COL6A6: variants seen among roughly 807,000 people sequenced by gnomAD.
COL6A6 encodes the protein collagen alpha-6(VI) chain.
In COL6A6, 183 loss-of-function variants were observed where a neutral mutation model predicts 208.6. That is an observed-to-expected ratio of 0.88 (90% CI 0.78 to 0.99). COL6A6 has a LOEUF of 0.99. COL6A6 is among the 50% of genes least tolerant of loss of function. COL6A6 has a pLI of 0.00. For synonymous variants in COL6A6, 973 were observed against 1,011.8 expected (o/e 0.96, Z 0.73); for missense variants, 2,816 against 2,815.2 (o/e 1.00, Z -0.01).
Position 130,662,263 on chromosome 3 carries a change from A to G in COL6A6, c.6457A>G (p.Ser2153Gly). The G allele has an allele frequency of 1.9e-6, 3 of 1,613,978 alleles. No homozygotes were observed. The highest frequency in any genetic ancestry group is 1.1e-5 in the South Asian group (1 of 91,078). The change falls in exon 35 of 37, where the codon AGT becomes GGT. Residue 2153 changes from serine (S) to glycine (G), a missense_variant. Transcript: ENST00000358511. ...QLGRIHKPDH[S>G]YGVKFVKSFI... ...TGGCCGAATTCATAAACCTGACCAC[A>G]GTTATGGTGTGAAGTTTGTGAAGTC...
chr3:130,656,548 C>T (rs1332528702), intron 33 of COL6A6, among the ~76,000 whole-genome samples: 1 of 152,134 alleles, frequency 6.6e-6, no homozygotes, highest in Non-Finnish European at 1.5e-5. Flanking sequence ...TAATGGGAGG[C>T]CACTGACGGG....
Position 130,519,721 on chromosome 3 carries a change from G to C in COL6A6, c.-32+2324G>C, listed in dbSNP as rs574959556. 3.9e-5 allele frequency among the ~76,000 whole-genome samples: 6 copies of C among 152,074 alleles called. No individual in the cohort carries two copies. In the South Asian group the frequency reaches 1.2e-3, roughly 32 times the overall value. ...CTACCTACCTCACAGGGGTGTATGGGGAAAAAAACAAGATCTTCGTAAAAT... is the reference window on the plus strand; with the variant it reads ...CTACCTACCTCACAGGGGTGTATGGCGAAAAAAACAAGATCTTCGTAAAAT... On this transcript the variant is annotated intron_variant, in intron 1 of 36. Transcript: ENST00000358511.
At chr3:130,665,536 G>C (rs2066053930) in intron 36 of COL6A6, among the ~76,000 whole-genome samples, 1 of 152,156 alleles carries the variant, frequency 6.6e-6, no homozygotes. Context: ...TTTTCAAAAG[G>C]ACAAAGGAGT....
chr3:130,584,299 C>A (rs571711339), intron 10 of COL6A6, among the ~76,000 whole-genome samples: 8 of 152,262 alleles, frequency 5.3e-5, no homozygotes, highest in African/African-American at 1.7e-4. Context: ...TTTTACATTT[C>A]CTGGGTATTA....
At chr3:130,532,330 G>T (rs1273216727) in intron 1 of COL6A6, among the ~76,000 whole-genome samples, 1 of 152,066 alleles carries the variant, frequency 6.6e-6, no homozygotes, top group Non-Finnish European at 1.5e-5. Context: ...AATAGTTTCT[G>T]TACCCCCCCA....
chr3:130,581,597 C>T lies in COL6A6; in HGVS notation c.3584C>T (p.Ser1195Leu), dbSNP rs1003844734. Residue 1195 changes from serine to leucine, a missense_variant, in exon 9 of 37, where the codon TCA (serine) becomes TTA (leucine). Ser to Leu is a moderately radical substitution (Grantham distance 145). Coordinates refer to ENST00000358511, the MANE Select transcript of COL6A6 (RefSeq NM_001102608.3). ...GATGTTGTGGTGGGATTTGATGTCT[C>T]AACTCAGGAGAAAGGGCAGACTTTG... ...FVDVVVGFDV[S>L]TQEKGQTLLE... The T allele has an allele frequency of 7.4e-6, 12 of 1,612,776 alleles. No homozygotes were observed. The highest frequency in any genetic ancestry group is 1.3e-5 in the African/African-American group (1 of 74,914).
At position 130,592,551 on chromosome 3, in the gene COL6A6, G is replaced by T. The variant is rs2063744683; in HGVS notation, c.4283G>T (p.Gly1428Val). 1 of 1,603,764 alleles carries T rather than the reference G, an allele frequency of 6.2e-7. No homozygotes were observed. The highest frequency in any genetic ancestry group is 1.7e-5 in the Admixed American group (1 of 58,242). Reference protein sequence around the residue: ...LGEEGIAGERGAPGPVGEQGT... With the variant: ...LGEEGIAGERVAPGPVGEQGT... ...TGTGCCCTTTCTCAGGGAGAAAGAG[G>T]AGCCCCTGGACCAGTGGGAGAGCAA... Residue 1428 changes from glycine to valine, a missense_variant, in exon 14 of 37, where the codon GGA becomes GTA. Coordinates refer to ENST00000358511, the MANE Select transcript of COL6A6 (RefSeq NM_001102608.3).
In COL6A6 at chr3:130,566,818, A is replaced by G; in HGVS notation, c.1399A>G (p.Asn467Asp). ...TFLSEVVGMF[N>D]IAPHKVRVGA... ...CCTGTCAGAGGTGGTAGGGATGTTC[A>G]ACATTGCTCCCCATAAGGTGCGGGT... is the stretch of plus-strand genomic sequence containing the variant. The change falls in exon 5 of 37, where the codon AAC (asparagine) becomes GAC (aspartate). Residue 467 changes from asparagine to aspartate, a missense_variant. Transcript: ENST00000358511. The G allele has an allele frequency of 6.2e-7, 1 of 1,614,002 alleles. No homozygotes were observed.
intron 23 of COL6A6, among the ~76,000 whole-genome samples, chr3:130,611,333 C>T (rs546856377): frequency 1.3e-5 from 2 of 152,340 alleles, no homozygotes; most frequent in South Asian, 2.1e-4. Context: ...TGAGATTCTG[C>T]ACTTCTAGGG....
chr3:130,540,723 G>A (rs138710094), intron 1 of COL6A6, among the ~76,000 whole-genome samples: 7 of 152,048 alleles, frequency 4.6e-5, no homozygotes, highest in Admixed American at 4.6e-4. Flanking sequence ...TGTTCTCATC[G>A]TTCAGCTCCT....
chr3:130,534,693 G>A (rs561894955), intron 1 of COL6A6, among the ~76,000 whole-genome samples: 11 of 152,070 alleles, frequency 7.2e-5, no homozygotes, highest in African/African-American at 1.2e-4. Flanking sequence ...TTTTTATTGC[G>A]AATGTTTTAG....
Position 130,581,583 on chromosome 3 carries a change from G to C in COL6A6, c.3570G>C (p.Val1190=). Residue 1190 remains valine (V), a synonymous_variant, in exon 9 of 37, where the codon GTG becomes GTC. Transcript: ENST00000358511. ...TAGACTGTTTCGTGGATGTTGTGGTGGGATTTGATGTCTCAACTCAGGAGA... is the reference window on the plus strand; with the variant it reads ...TAGACTGTTTCGTGGATGTTGTGGTCGGATTTGATGTCTCAACTCAGGAGA... ...GESNCFVDVV[V]GFDVSTQEKG... is the part of the protein sequence containing the mutation. The C allele has an allele frequency of 1.2e-6, 2 of 1,609,150 alleles. No homozygotes were observed. Among genetic ancestry groups the C allele is most frequent in the Non-Finnish European group, 1.7e-6 (2 of 1,176,418 alleles).
At chr3:130,538,524 C>G (rs765570392) in intron 1 of COL6A6, among the ~76,000 whole-genome samples, 1 of 152,226 alleles carries the variant, frequency 6.6e-6, no homozygotes, top group Non-Finnish European at 1.5e-5. Context: ...CTCGTTTACA[C>G]ACATCAGTTC....
intron 4 of COL6A6, among the ~76,000 whole-genome samples, chr3:130,565,866 C>G (rs2063008024): frequency 6.6e-6 from 1 of 152,148 alleles, no homozygotes; most frequent in South Asian, 2.1e-4. Flanking sequence ...GTTACTCATC[C>G]ATGTTCCAGA....
At chr3:130,622,106 A>G (rs1268958129) in intron 24 of COL6A6, among the ~76,000 whole-genome samples, 2 of 151,698 alleles carry the variant, frequency 1.3e-5, no homozygotes, top group Non-Finnish European at 2.9e-5. Flanking sequence ...GGAGGGATAC[A>G]CCCTATTGGA....
At chr3:130,606,587 A>G (rs954943810) in intron 20 of COL6A6, among the ~76,000 whole-genome samples, 3 of 152,238 alleles carry the variant, frequency 2.0e-5, no homozygotes, top group Non-Finnish European at 4.4e-5. Flanking sequence ...TAAAAGAAAT[A>G]AAATTCAAAT....
At chr3:130,621,202 C>T (rs1055482526) in intron 23 of COL6A6, among the ~76,000 whole-genome samples, 2 of 152,100 alleles carry the variant, frequency 1.3e-5, no homozygotes, top group African/African-American at 2.4e-5. Context: ...GGTTTTGCAT[C>T]TTTCTTGATA....
intron 23 of COL6A6, among the ~76,000 whole-genome samples, chr3:130,619,963 C>G (rs2064661113): frequency 6.6e-6 from 1 of 152,134 alleles, no homozygotes; most frequent in African/African-American, 2.4e-5. Context: ...TAGACAGAGT[C>G]TCACTCTATC....
In COL6A6 at chr3:130,568,334, T is replaced by C; in HGVS notation, c.2131T>C (p.Tyr711His). ...TGSALSFVSQYFSPTKGARPN... is the reference protein window; with the variant it reads ...TGSALSFVSQHFSPTKGARPN... ...TAGTGCCCTGAGCTTTGTGTCTCAG[T>C]ACTTCAGCCCCACCAAGGGCGCCCG... is the stretch of plus-strand genomic sequence containing the variant. Residue 711 changes from tyrosine to histidine, a missense_variant, in exon 6 of 37, where the codon TAC (tyrosine) becomes CAC (histidine). Physicochemically the swap from Tyr to His is moderately conservative, Grantham distance 83. Coordinates refer to ENST00000358511, the MANE Select transcript of COL6A6 (RefSeq NM_001102608.3). The C allele has an allele frequency of 1.2e-6, 2 of 1,614,040 alleles. No individual in the cohort carries two copies. The highest frequency in any genetic ancestry group is 1.1e-5 in the South Asian group (1 of 91,076).
Sources: allele counts gnomAD v4.1 joint callset (sites outside exome capture counted in the v4.1 genomes callset), GRCh38; gene constraint gnomAD v4.1.1; transcripts MANE v1.5; gene names NCBI Gene and HGNC (gene_info 2026-07-23, HGNC 2026-07-21).